MPZL1: variants seen among roughly 807,000 people sequenced by gnomAD.
The protein encoded by MPZL1 is myelin protein zero like 1, also known as myelin protein zero-like protein 1.
MPZL1 carries 16 observed loss-of-function variants against 29.3 expected under a neutral mutation model. That is an observed-to-expected ratio of 0.55 (90% CI 0.37 to 0.83). The LOEUF is 0.83. Ranked by LOEUF, MPZL1 falls within the 40% of genes least tolerant of loss-of-function variation. The pLI is 0.00. For synonymous variants in MPZL1, 143 were observed against 132.0 expected, an observed-to-expected ratio of 1.08 and a Z score of -0.57; for missense variants, 279 against 332.9, an observed-to-expected ratio of 0.84 and a Z score of 1.26.
At chr1:167,732,921 A>G (rs1197381645) in intron 1 of MPZL1, among the ~76,000 whole-genome samples, 3 of 152,206 alleles carry the variant, frequency 2.0e-5, no homozygotes, top group African/African-American at 7.2e-5. Flanking sequence ...TGTGCTTTCC[A>G]CTTAAGAGCT....
chr1:167,756,846 T>C (rs969146886), intron 1 of MPZL1, among the ~76,000 whole-genome samples: 9 of 152,062 alleles, frequency 5.9e-5, no homozygotes, highest in Admixed American at 3.9e-4. Flanking sequence ...CTCTTGGGGG[T>C]GCAGACAGCC....
At chr1:167,749,943 G>T (rs1404503487) in intron 1 of MPZL1, among the ~76,000 whole-genome samples, 2 of 152,206 alleles carry the variant, frequency 1.3e-5, no homozygotes, top group African/African-American at 4.8e-5. Flanking sequence ...AATAATCATG[G>T]CTGGAGACAT....
Position 167,787,836 on chromosome 1 carries a change from C to T in MPZL1, c.725C>T (p.Ala242Val), listed in dbSNP as rs746420060. ...CTTTTCCAGGGCCCAGTCATATATG[C>T]ACAGTTAGACCACTCCGGCGGACAT... Reference protein sequence around the residue: ...SGSHQGPVIYAQLDHSGGHHS... With the variant: ...SGSHQGPVIYVQLDHSGGHHS... The change falls in exon 6 of 6, where the codon GCA (alanine) becomes GTA (valine). Residue 242 changes from alanine to valine, a missense_variant. Transcript: ENST00000359523. The T allele has an allele frequency of 6.2e-7, 1 of 1,613,372 alleles. No individual in the cohort carries two copies. The highest frequency in any genetic ancestry group is 2.2e-5 in the East Asian group (1 of 44,880).
chr1:167,750,190 C>CCTTTT (rs374960591), intron 1 of MPZL1, among the ~76,000 whole-genome samples: 44 of 151,324 alleles, frequency 2.9e-4, no homozygotes, highest in South Asian at 1.5e-3. Context: ...TTTTCTTTTT[C>CCTTTT]CTTTTCTTTT....
In MPZL1 at chr1:167,789,527, G is replaced by T. The variant is rs1003610908; in HGVS notation, c.*1606G>T. 3.3e-5 allele frequency: 5 copies of T among 152,190 alleles called. No individual in the cohort carries two copies. The highest frequency in any genetic ancestry group is 1.2e-4 in the African/African-American group (5 of 41,448). 9.4% of individuals were successfully genotyped at this position (152,190 alleles called of 1,614,324 possible). A position where few individuals can be genotyped will look rare whatever the true frequency, so the allele number is the denominator to read the frequency against. ...TTCACAAAGGGAATAAAACAGGATT[G>T]AGATTTTGAGGTGTGCACAAGGTGG... On this transcript the variant is annotated 3_prime_UTR_variant, in exon 6 of 6. Coordinates refer to ENST00000359523, the MANE Select transcript of MPZL1 (RefSeq NM_003953.6).
chr1:167,782,186 A>T (rs1661510257), intron 5 of MPZL1, among the ~76,000 whole-genome samples: 1 of 152,056 alleles, frequency 6.6e-6, no homozygotes, highest in Non-Finnish European at 1.5e-5. Flanking sequence ...TTCATATTAC[A>T]GGTTTATTTT....
chr1:167,727,039 G>A (rs924474937), intron 1 of MPZL1, among the ~76,000 whole-genome samples: 1 of 152,060 alleles, frequency 6.6e-6, no homozygotes, highest in Non-Finnish European at 1.5e-5. Context: ...ATGAAAATTT[G>A]CAGCAAATTT....
intron 1 of MPZL1, among the ~76,000 whole-genome samples, chr1:167,758,863 C>T (rs990759320): frequency 1.3e-5 from 2 of 152,130 alleles, no homozygotes; most frequent in African/African-American, 2.4e-5. Flanking sequence ...CAGCAGGATT[C>T]GGTACTCCTT....
intron 1 of MPZL1, among the ~76,000 whole-genome samples, chr1:167,749,423 A>T (rs577574288): frequency 6.6e-6 from 1 of 152,310 alleles, no homozygotes; most frequent in East Asian, 1.9e-4. Flanking sequence ...AGATTATGAA[A>T]CATATAGGTT....
chr1:167,771,671 A>G (rs1438942135), intron 2 of MPZL1, among the ~76,000 whole-genome samples: 1 of 151,564 alleles, frequency 6.6e-6, no homozygotes, highest in Admixed American at 6.6e-5. Context: ...GGCTCCTCAC[A>G]TCCCAGAGGA....
intron 1 of MPZL1, among the ~76,000 whole-genome samples, chr1:167,732,726 C>G (rs978560569): frequency 1.3e-5 from 2 of 152,220 alleles, no homozygotes; most frequent in African/African-American, 4.8e-5. Context: ...AAGCAATTCT[C>G]TTGCCACAGC....
At chr1:167,767,185 A>G (rs1480452286) in intron 2 of MPZL1, among the ~76,000 whole-genome samples, 1 of 152,266 alleles carries the variant, frequency 6.6e-6, no homozygotes, top group Admixed American at 6.5e-5. Flanking sequence ...GGGTGAGCAC[A>G]GGAATCCATA....
intron 1 of MPZL1, among the ~76,000 whole-genome samples, chr1:167,756,549 A>G (rs1265918853): frequency 2.0e-5 from 3 of 151,678 alleles, no homozygotes; most frequent in Admixed American, 2.0e-4. Flanking sequence ...GCATCCTCCA[A>G]GGTAGTGTCA....
Position 167,776,089 on chromosome 1 carries a change from C to A in MPZL1, c.631C>A (p.Pro211Thr). 6.2e-7 allele frequency: 1 copy of A among 1,611,086 alleles called. No individual in the cohort carries two copies. Among genetic ancestry groups the A allele is most frequent in the Non-Finnish European group, 8.5e-7 (1 of 1,178,292 alleles). Residue 211 changes from proline (P) to threonine (T), a missense_variant, in exon 5 of 6, where the codon CCA (proline) becomes ACA (threonine). By Grantham distance (38) the Pro-to-Thr change is conservative. Transcript: ENST00000359523. ...CTGCAGTACATCAGAGAGTTTGTCA[C>A]CAGTTAAGCAGGCTCCTCGGAAGTC... The part of the protein sequence containing the change: ...TGCSTSESLS[P>T]VKQAPRKSPS...
intron 1 of MPZL1, among the ~76,000 whole-genome samples, chr1:167,755,842 T>C (rs1452781698): frequency 6.6e-6 from 1 of 152,182 alleles, no homozygotes; most frequent in African/African-American, 2.4e-5. Flanking sequence ...ATTTAGAGGC[T>C]GAGTCTCAGT....
chr1:167,731,299 G>T (rs1660261285), intron 1 of MPZL1, among the ~76,000 whole-genome samples: 1 of 134,220 alleles, frequency 7.5e-6, no homozygotes, highest in Admixed American at 7.9e-5. Flanking sequence ...AGTTGGATAT[G>T]GTGGCACACA....
chr1:167,787,274 T>C (rs1290198677), intron 5 of MPZL1: 1 of 152,264 alleles, frequency 6.6e-6, no homozygotes, highest in Non-Finnish European at 1.5e-5. Flanking sequence ...CTGTAAGTAG[T>C]TGTATTGAAG....
chr1:167,742,137 A>T (rs1321368181), intron 1 of MPZL1, among the ~76,000 whole-genome samples: 1 of 151,984 alleles, frequency 6.6e-6, no homozygotes, highest in Non-Finnish European at 1.5e-5. Flanking sequence ...TACTAAAAAT[A>T]GAAAAATTAG....
At chr1:167,776,840 A>G (rs1377373566) in intron 5 of MPZL1, among the ~76,000 whole-genome samples, 1 of 152,210 alleles carries the variant, frequency 6.6e-6, no homozygotes, top group African/African-American at 2.4e-5. Context: ...AAAGCATGCT[A>G]AAGAATTTGG....
Sources: gnomAD v4.1 joint callset for allele counts (sites outside exome capture counted in the v4.1 genomes callset) on GRCh38, gnomAD v4.1.1 for gene constraint, MANE v1.5 for transcripts, NCBI Gene and HGNC (gene_info 2026-07-23, HGNC 2026-07-21) for gene names.